Variants in EPB41L5 observed in about 807,000 individuals in gnomAD.
EPB41L5 encodes erythrocyte membrane protein band 4.1 like 5.
In EPB41L5, 55 loss-of-function variants were observed where a neutral mutation model predicts 106.6. That is an observed-to-expected ratio of 0.52 (90% confidence interval 0.42 to 0.65). The LOEUF (loss-of-function observed/expected upper bound fraction) is 0.65. EPB41L5 is among the 30% of genes least tolerant of loss of function. EPB41L5 has a pLI of 0.00. For synonymous variants in EPB41L5, 297 were observed against 306.7 expected (o/e 0.97, Z 0.33); for missense variants, 871 against 882.1 (o/e 0.99, Z 0.16).
intron 3 of EPB41L5, among the ~76,000 whole-genome samples, chr2:120,063,619 C>T (rs1312308976): frequency 6.6e-6 from 1 of 151,938 alleles, no homozygotes; most frequent in African/African-American, 2.4e-5. Flanking sequence ...AACAAACCTG[C>T]ACATGTACCC....
chr2:120,083,556 G>T (rs926458514), intron 10 of EPB41L5, among the ~76,000 whole-genome samples: 2 of 152,194 alleles, frequency 1.3e-5, no homozygotes, highest in Non-Finnish European at 1.5e-5. Flanking sequence ...GTGCAATGTG[G>T]TGCTGAGAAG....
At position 120,160,880 on chromosome 2, in the gene EPB41L5, G is replaced by T; in HGVS notation, c.1794-1G>T. The stretch of plus-strand genomic sequence containing the variant: ...ATGTGAATTTATCTTTTTCTTCCTA[G>T]TGCTGTGTTAAATGAGAATAATGTG... On this transcript the variant is annotated splice_acceptor_variant, in intron 20 of 24. Transcript: ENST00000263713. LOFTEE classifies it high-confidence loss of function. The T allele has an allele frequency of 6.2e-7, 1 of 1,608,672 alleles. No homozygotes were observed. Among genetic ancestry groups the T allele is most frequent in the African/African-American group, 1.3e-5 (1 of 74,850 alleles).
intron 21 of EPB41L5, among the ~76,000 whole-genome samples, chr2:120,161,862 C>G (rs1490010803): frequency 1.3e-5 from 2 of 152,144 alleles, no homozygotes; most frequent in African/African-American, 4.8e-5. Flanking sequence ...GATCTAATGC[C>G]TGATGATTTG....
chr2:120,067,990 A>G (rs1681562532), intron 3 of EPB41L5, among the ~76,000 whole-genome samples: 1 of 152,232 alleles, frequency 6.6e-6, no homozygotes, highest in African/African-American at 2.4e-5. Context: ...ATGGCTGGCA[A>G]GATGGCCGAA....
intron 10 of EPB41L5, among the ~76,000 whole-genome samples, chr2:120,086,738 C>T (rs1484042301): frequency 6.6e-6 from 1 of 152,136 alleles, no homozygotes; most frequent in East Asian, 1.9e-4. Context: ...GAGAACCTAT[C>T]TCAAACAAAC....
At chr2:120,070,311 A>G (rs976097441) in intron 3 of EPB41L5, among the ~76,000 whole-genome samples, 3 of 152,152 alleles carry the variant, frequency 2.0e-5, no homozygotes, top group Admixed American at 6.6e-5. Flanking sequence ...TAGACCAACA[A>G]CAAGTTCTGA....
intron 21 of EPB41L5, among the ~76,000 whole-genome samples, chr2:120,162,329 G>T (rs534779568): frequency 1.3e-5 from 2 of 152,202 alleles, no homozygotes; most frequent in African/African-American, 4.8e-5. Flanking sequence ...GTTTTAATTT[G>T]CAAGTTAAAT....
intron 5 of EPB41L5, among the ~76,000 whole-genome samples, chr2:120,075,213 C>T (rs1341094857): frequency 6.6e-6 from 1 of 152,002 alleles, no homozygotes; most frequent in Non-Finnish European, 1.5e-5. Flanking sequence ...TTCAGAATAG[C>T]TAGAAGAAAA....
intron 16 of EPB41L5, chr2:120,106,297 A>G: frequency 1.0e-6 from 1 of 985,382 alleles, no homozygotes; most frequent in African/African-American, 1.7e-5. Context: ...TAGTAAAATT[A>G]AACTTGTCTA....
chr2:120,129,704 C>G (rs796549629), intron 17 of EPB41L5, among the ~76,000 whole-genome samples: 4 of 152,272 alleles, frequency 2.6e-5, no homozygotes, highest in African/African-American at 9.6e-5. Flanking sequence ...TGAAATATAA[C>G]TCTCCAAATA....
intron 5 of EPB41L5, among the ~76,000 whole-genome samples, chr2:120,074,783 C>G (rs1250693945): frequency 1.3e-5 from 2 of 152,052 alleles, no homozygotes; most frequent in Non-Finnish European, 2.9e-5. Flanking sequence ...TTTAGAACAC[C>G]TTGACAATGA....
At chr2:120,100,392 T>C in intron 15 of EPB41L5, 106 bp downstream of exon 15, 2 of 1,043,132 alleles carry the variant, frequency 1.9e-6, no homozygotes, top group Non-Finnish European at 2.9e-6. Flanking sequence ...CTGCACAAAT[T>C]ATGTGCATTT....
chr2:120,165,268 A>G (rs1263531837), intron 22 of EPB41L5, among the ~76,000 whole-genome samples: 1 of 152,230 alleles, frequency 6.6e-6, no homozygotes, highest in Admixed American at 6.5e-5. Context: ...ATCAATCATT[A>G]TTACAGTCTG....
chr2:120,169,810 G>T lies in EPB41L5; in HGVS notation c.2135+1803G>T, dbSNP rs532920352. Among the ~76,000 whole-genome samples, 556 of 152,318 alleles carry T rather than the reference G, an allele frequency of 3.7e-3. 3 individuals carry two copies. Among genetic ancestry groups the T allele is most frequent in the Non-Finnish European group, 4.5e-3 (305 of 68,022 alleles). ...ATGGCCAGTAAGCATTCTAGACAGT[G>T]TGCAACTTGATTAGTCCGTGGGGAA... On this transcript the variant is annotated intron_variant, in intron 24 of 24. Transcript: ENST00000263713.
intron 14 of EPB41L5, among the ~76,000 whole-genome samples, chr2:120,093,996 G>GCTA (rs1304544626): frequency 1.3e-5 from 2 of 151,952 alleles, no homozygotes; most frequent in African/African-American, 2.4e-5. Context: ...GTGGGGGTAG[G>GCTA]GGACGTGCAG....
chr2:120,038,857 A>G (rs1679209516), intron 2 of EPB41L5, among the ~76,000 whole-genome samples: 1 of 152,198 alleles, frequency 6.6e-6, no homozygotes, highest in Non-Finnish European at 1.5e-5. Flanking sequence ...CAGGGACTCA[A>G]ACAGATACTT....
chr2:120,069,021 G>C (rs1338854709), intron 3 of EPB41L5, among the ~76,000 whole-genome samples: 1 of 151,420 alleles, frequency 6.6e-6, no homozygotes, highest in Non-Finnish European at 1.5e-5. Flanking sequence ...CCAGCTACTT[G>C]GGAGGCTGAG....
intron 3 of EPB41L5, among the ~76,000 whole-genome samples, chr2:120,068,234 C>T (rs536408061): frequency 5.0e-4 from 76 of 152,366 alleles, no homozygotes; most frequent in Non-Finnish European, 9.7e-4. Flanking sequence ...CTGTGAGGAA[C>T]GGTGCATTCC....
At chr2:120,163,916 C>T (rs1687258712) in intron 21 of EPB41L5, among the ~76,000 whole-genome samples, 1 of 151,148 alleles carries the variant, frequency 6.6e-6, no homozygotes, top group Non-Finnish European at 1.5e-5. Flanking sequence ...TGTGCCAGTG[C>T]ACTTCAGCCT....
Sources: allele counts gnomAD v4.1 joint callset (sites outside exome capture counted in the v4.1 genomes callset), GRCh38; gene constraint gnomAD v4.1.1; transcripts MANE v1.5; gene names NCBI Gene and HGNC (gene_info 2026-07-23, HGNC 2026-07-21).